The following SPECC1 variants were observed in gnomAD, a reference collection of about 807,000 sequenced individuals.
The protein encoded by SPECC1 is cytospin-B.
In SPECC1, 62 loss-of-function variants were observed where a neutral mutation model predicts 104.1. The ratio of observed to expected loss-of-function variants is 0.60; its 90% CI spans 0.49 to 0.74. SPECC1 has a LOEUF of 0.74. SPECC1 is among the 30% of genes least tolerant of loss of function. SPECC1 has a pLI of 0.00. For synonymous variants in SPECC1, 513 were observed against 501.6 expected (o/e 1.02, Z -0.30); for missense variants, 1,306 against 1,310.5 (o/e 1.00, Z 0.05).
chr17:20,247,539 T>C (rs559449941), intron 9 of SPECC1, among the ~76,000 whole-genome samples: 50 of 152,362 alleles, frequency 3.3e-4, no homozygotes, highest in Admixed American at 9.8e-4. Flanking sequence ...GCTTGCTGTT[T>C]TATCTCTTGT....
chr17:20,154,561 A>AG (rs1437739126), intron 3 of SPECC1, among the ~76,000 whole-genome samples: 3 of 152,176 alleles, frequency 2.0e-5, no homozygotes, highest in Admixed American at 6.5e-5. Context: ...GGGGAAGAGG[A>AG]GGATTATTCA....
intron 3 of SPECC1, among the ~76,000 whole-genome samples, chr17:20,161,437 A>G (rs1332095936): frequency 4.6e-5 from 7 of 152,126 alleles, no homozygotes; most frequent in African/African-American, 1.4e-4. Flanking sequence ...CATAATTAGT[A>G]TTAGTAAGTC....
intron 3 of SPECC1, among the ~76,000 whole-genome samples, chr17:20,199,812 C>T (rs1433544700): frequency 6.6e-6 from 1 of 151,564 alleles, no homozygotes; most frequent in African/African-American, 2.4e-5. Flanking sequence ...TTTTTTGAGA[C>T]AGAGTCTCGC....
In SPECC1 at chr17:20,269,910, G is replaced by C. The variant is rs146378190; in HGVS notation, c.2940+9616G>C. On this transcript the variant is annotated intron_variant, in intron 12 of 14. Coordinates refer to ENST00000395527, the MANE Select transcript of SPECC1 (RefSeq NM_001243439.2). ...GGTCCTTCCCCTGATCATTGAACAC[G>C]GGCTTTTTATTGAGCCTTAAAAAGG... Among the ~76,000 whole-genome samples, 239 of 152,200 alleles carry C rather than the reference G, an allele frequency of 1.6e-3. 2 individuals are homozygous for C. The highest frequency in any genetic ancestry group is 5.4e-3 in the African/African-American group (224 of 41,520).
At chr17:20,141,460 G>T (rs189388500) in intron 3 of SPECC1, among the ~76,000 whole-genome samples, 78 of 152,306 alleles carry the variant, frequency 5.1e-4, no homozygotes, top group African/African-American at 1.8e-3. Context: ...CTGATTCAGA[G>T]CGAGGACATG....
chr17:20,150,134 G>A (rs376369307), intron 3 of SPECC1, among the ~76,000 whole-genome samples: 1 of 151,300 alleles, frequency 6.6e-6, no homozygotes, highest in African/African-American at 2.4e-5. Context: ...CACCACGCCC[G>A]GCTAATTTTT....
chr17:20,030,649 A>G (rs2044772033), intron 1 of SPECC1, among the ~76,000 whole-genome samples: 1 of 152,176 alleles, frequency 6.6e-6, no homozygotes, highest in Non-Finnish European at 1.5e-5. Context: ...ATGCATTGTT[A>G]GTGTCATAGT....
intron 3 of SPECC1, among the ~76,000 whole-genome samples, chr17:20,135,432 A>G (rs1479036894): frequency 6.6e-6 from 1 of 152,166 alleles, no homozygotes; most frequent in Non-Finnish European, 1.5e-5. Context: ...TAAGCCAAGA[A>G]GTTTGCAATA....
chr17:20,315,480 T>C lies in SPECC1; in HGVS notation c.*1415T>C, dbSNP rs1992562. 1 of 232,514 alleles carries C rather than the reference T, an allele frequency of 4.3e-6. No homozygotes were observed. Among genetic ancestry groups the C allele is most frequent in the Middle Eastern group, 1.3e-3 (1 of 784 alleles). 14.4% of individuals were successfully genotyped at this position (232,514 alleles called of 1,614,324 possible). On this transcript the variant is annotated 3_prime_UTR_variant, in exon 15 of 15. Coordinates refer to ENST00000395527, the MANE Select transcript of SPECC1 (RefSeq NM_001243439.2). ...GCGAGTGAGGGCGTGGCTCACACAG[T>C]TGTTTGAGGGAAATGGGTAATGCCC...
At chr17:20,109,011 T>C (rs952873822) in intron 2 of SPECC1, among the ~76,000 whole-genome samples, 2 of 152,236 alleles carry the variant, frequency 1.3e-5, no homozygotes, top group Admixed American at 6.5e-5. Context: ...AAAGCAGTTA[T>C]GCCAGTTTAC....
rs8078093 is a variant in SPECC1, at chr17:20,084,819, T to G, written c.-21-11812T>G. ...GGACCAGACACTGGGCCCACAGGTGTGGAACCACAGAGGAATGAGACAGAG... is the reference window on the plus strand; with the variant it reads ...GGACCAGACACTGGGCCCACAGGTGGGGAACCACAGAGGAATGAGACAGAG... On this transcript the variant is annotated intron_variant, in intron 1 of 14. Transcript: ENST00000395527. Among the ~76,000 whole-genome samples the G allele has an allele frequency of 6.8e-3, 1,031 of 151,778 alleles. 11 individuals are homozygous for G. The highest frequency in any genetic ancestry group is 0.024 in the African/African-American group (985 of 41,336).
Position 20,317,454 on chromosome 17 carries a change from T to A in SPECC1, c.*3389T>A, listed in dbSNP as rs2142293232. On this transcript the variant is annotated 3_prime_UTR_variant, in exon 15 of 15. Transcript: ENST00000395527. Reference sequence around the variant, plus strand: ...TTTTGTATTTTTAGTAGAAACAGTTTCACCATGTTGGCCAGGCTGGTCTTG... The same window carrying A: ...TTTTGTATTTTTAGTAGAAACAGTTACACCATGTTGGCCAGGCTGGTCTTG... The A allele has an allele frequency of 5.6e-6, 1 of 177,912 alleles. No individual in the cohort carries two copies. The highest frequency in any genetic ancestry group is 2.0e-4 in the South Asian group (1 of 4,994). The allele number at this position is 177,912 out of a possible 1,614,324, so 11.0% of individuals were successfully genotyped here.
chr17:20,013,689 G>A (rs1249483520), intron 1 of SPECC1, among the ~76,000 whole-genome samples: 2 of 152,100 alleles, frequency 1.3e-5, no homozygotes, highest in East Asian at 1.9e-4. Flanking sequence ...TTTTAGTGGG[G>A]ACAGGTTTTA....
Position 20,090,307 on chromosome 17 carries a change from G to A in SPECC1, c.-21-6324G>A, listed in dbSNP as rs533538035. Among the ~76,000 whole-genome samples the A allele has an allele frequency of 4.6e-5, 7 of 152,262 alleles. No individual in the cohort carries two copies. The South Asian group carries it at 6.2e-4, about 14-fold the overall frequency. On this transcript the variant is annotated intron_variant, in intron 1 of 14. Coordinates refer to ENST00000395527, the MANE Select transcript of SPECC1 (RefSeq NM_001243439.2). The stretch of plus-strand genomic sequence containing the variant: ...CAGGTTGGAGGGAGGGAGAGGATGC[G>A]TATGAGGTGTTTCCTAGCTCTGGGG...
intron 12 of SPECC1, among the ~76,000 whole-genome samples, chr17:20,269,540 A>G (rs1378123388): frequency 6.6e-6 from 1 of 152,178 alleles, no homozygotes; most frequent in Non-Finnish European, 1.5e-5. Context: ...CTCCTGCCTC[A>G]GTCTCCCGAG....
chr17:20,313,439 C>T (rs1475547304), intron 14 of SPECC1, among the ~76,000 whole-genome samples: 1 of 152,212 alleles, frequency 6.6e-6, no homozygotes, highest in East Asian at 1.9e-4. Context: ...GTGGTGGTCA[C>T]GAGGTGAGCG....
chr17:20,034,516 C>A (rs112115103), intron 1 of SPECC1, among the ~76,000 whole-genome samples: 9,872 of 152,092 alleles, frequency 0.065, 352 homozygotes, highest in Non-Finnish European at 0.08. Context: ...CAGGCATGAG[C>A]CACCACGACT....
At chr17:20,231,938 T>TGGTG (rs980977876) in intron 6 of SPECC1, 107 bp downstream of exon 6, 5 of 1,173,442 alleles carry the variant, frequency 4.3e-6, no homozygotes, top group Admixed American at 3.8e-5. Context: ...TTCCACGGCA[T>TGGTG]GGTGGGCCCT....
intron 8 of SPECC1, 55 bp downstream of exon 8, chr17:20,246,126 A>G: frequency 6.3e-7 from 1 of 1,597,562 alleles, no homozygotes; most frequent in Non-Finnish European, 8.5e-7. Flanking sequence ...TTGGCCCGAC[A>G]TTTGATATGT....
Sources: allele counts gnomAD v4.1 joint callset (sites outside exome capture counted in the v4.1 genomes callset), GRCh38; gene constraint gnomAD v4.1.1; transcripts MANE v1.5; gene names NCBI Gene and HGNC (gene_info 2026-07-23, HGNC 2026-07-21).